The following IL1RAPL2 variants were observed in gnomAD, a reference collection of about 807,000 sequenced individuals.
IL1RAPL2 encodes X-linked interleukin-1 receptor accessory protein-like 2.
In IL1RAPL2, 3 loss-of-function variants were observed where a neutral mutation model predicts 44.1. The observed-to-expected ratio is 0.07, with a 90% CI of 0.03 to 0.18. The LOEUF is 0.18. Ranked by LOEUF, IL1RAPL2 falls within the 10% of genes least tolerant of loss-of-function variation. The pLI is 1.00. For missense variants in IL1RAPL2, 391 were observed against 496.4 expected (o/e 0.79, Z 2.02); for synonymous variants, 181 against 178.8 (o/e 1.01, Z -0.10).
chrX:105,316,924 G>GT (rs1197045959), intron 5 of IL1RAPL2, among the ~76,000 whole-genome samples: 1 of 110,056 alleles, frequency 9.1e-6, no homozygotes, highest in African/African-American at 3.3e-5. Context: ...TTTTTTTGAG[G>GT]TAAAAAGCCC....
At chrX:104,699,543 C>T (rs1203478276) in intron 2 of IL1RAPL2, among the ~76,000 whole-genome samples, 1 of 111,721 alleles carries the variant, frequency 9.0e-6, no homozygotes. Flanking sequence ...AAGCTTCGCT[C>T]GCTTGCCCGC....
chrX:105,706,271 A>G (rs2038164767), intron 6 of IL1RAPL2, among the ~76,000 whole-genome samples: 1 of 112,043 alleles, frequency 8.9e-6, no homozygotes, highest in African/African-American at 3.2e-5. Flanking sequence ...ATTGCTTAAC[A>G]ATTTTCCCAC....
intron 6 of IL1RAPL2, among the ~76,000 whole-genome samples, chrX:105,573,163 A>G (rs1412949047): frequency 7.2e-5 from 8 of 111,134 alleles, no homozygotes; most frequent in Admixed American, 2.9e-4. Context: ...GGCTCAAGCA[A>G]TCCTCCCACC....
At chrX:104,880,156 A>G (rs186621672) in intron 2 of IL1RAPL2, among the ~76,000 whole-genome samples, 1 of 111,433 alleles carries the variant, frequency 9.0e-6, no homozygotes, top group East Asian at 2.8e-4. Context: ...TCCTCTGACA[A>G]TTATCAAGTT....
At chrX:105,468,374 G>C (rs1200909293) in intron 5 of IL1RAPL2, among the ~76,000 whole-genome samples, 1 of 111,567 alleles carries the variant, frequency 9.0e-6, no homozygotes, top group Non-Finnish European at 1.9e-5. Flanking sequence ...ATAGGTATGT[G>C]CTCAGAAAGA....
rs140704692 is a variant in IL1RAPL2 at position 105,566,456 on chromosome X, T to C, written c.772+82069T>C. ...GAAATGTATACACCCTCCCAAGCCA[T>C]CTGCTCTATTTCTTCACCTTCTTTT... is the stretch of plus-strand genomic sequence containing the variant. On this transcript the variant is annotated intron_variant, in intron 6 of 10. Transcript: ENST00000372582. 5.0e-3 allele frequency among the ~76,000 whole-genome samples: 554 copies of C among 111,659 alleles called. 6 individuals carry two copies. Among genetic ancestry groups the C allele is most frequent in the African/African-American group, 0.017 (521 of 30,728 alleles).
rs760432627 is a variant in IL1RAPL2 at position 105,041,979 on chromosome X, G to T, written c.83-153496G>T. On this transcript the variant is annotated intron_variant, in intron 2 of 10. Coordinates refer to ENST00000372582, the MANE Select transcript of IL1RAPL2 (RefSeq NM_017416.2). ...CTGAGAGAAGCAAGAAATGGGGAAA[G>T]GATTCCCTATTTAATAAATGGTGCT... Among the ~76,000 whole-genome samples, 15 of 110,395 alleles carry T rather than the reference G, an allele frequency of 1.4e-4. No homozygotes were observed. In the South Asian group the frequency reaches 4.6e-3, roughly 34 times the overall value.
At chrX:104,587,528 A>G (rs1928583560) in intron 1 of IL1RAPL2, among the ~76,000 whole-genome samples, 1 of 112,048 alleles carries the variant, frequency 8.9e-6, no homozygotes, top group Non-Finnish European at 1.9e-5. Flanking sequence ...CCTTTGGGAA[A>G]CACTGCTATA....
chrX:104,767,617 T>C (rs1422711684), intron 2 of IL1RAPL2, among the ~76,000 whole-genome samples: 2 of 111,961 alleles, frequency 1.8e-5, no homozygotes, highest in Non-Finnish European at 3.8e-5. Flanking sequence ...AAACTTCAGA[T>C]AACACCGGCA....
chrX:105,625,843 A>G (rs1473767573), intron 6 of IL1RAPL2, among the ~76,000 whole-genome samples: 1 of 111,791 alleles, frequency 8.9e-6, no homozygotes, highest in Non-Finnish European at 1.9e-5. Context: ...AGATTCAAAC[A>G]GCAGTTCAGG....
chrX:105,491,892 C>T (rs963954009), intron 6 of IL1RAPL2, among the ~76,000 whole-genome samples: 10 of 111,731 alleles, frequency 9.0e-5, no homozygotes, highest in Admixed American at 7.6e-4. Flanking sequence ...AAAAAGTTAA[C>T]AGTTTACTAA....
chrX:105,530,734 C>G (rs983432434), intron 6 of IL1RAPL2, among the ~76,000 whole-genome samples: 5 of 100,509 alleles, frequency 5.0e-5, no homozygotes, highest in Middle Eastern at 5.2e-3. Context: ...GCCCCCACCC[C>G]ACTACCCTTC....
intron 2 of IL1RAPL2, among the ~76,000 whole-genome samples, chrX:104,670,054 A>G (rs1002062132): frequency 2.7e-5 from 3 of 111,707 alleles, no homozygotes; most frequent in Non-Finnish European, 3.8e-5. Context: ...GGATAGATGT[A>G]TATATGAAAG....
At chrX:104,876,842 T>C (rs1191963055) in intron 2 of IL1RAPL2, among the ~76,000 whole-genome samples, 4 of 109,014 alleles carry the variant, frequency 3.7e-5, no homozygotes, top group African/African-American at 1.3e-4. Flanking sequence ...ACTCGTCATC[T>C]AGCATTAGGT....
At chrX:104,677,942 A>G (rs982516681) in intron 2 of IL1RAPL2, among the ~76,000 whole-genome samples, 5 of 111,320 alleles carry the variant, frequency 4.5e-5, no homozygotes, top group Admixed American at 9.4e-5. Flanking sequence ...GCAATGCCTC[A>G]CCCTGCTTCG....
intron 2 of IL1RAPL2, among the ~76,000 whole-genome samples, chrX:104,789,226 A>G (rs897537633): frequency 1.8e-5 from 2 of 111,842 alleles, no homozygotes; most frequent in African/African-American, 6.5e-5. Context: ...TTGGAATACA[A>G]ATGATCCCAT....
At chrX:104,782,705 C>T (rs1932780929) in intron 2 of IL1RAPL2, among the ~76,000 whole-genome samples, 1 of 111,239 alleles carries the variant, frequency 9.0e-6, no homozygotes, top group Admixed American at 9.6e-5. Context: ...GAATGTTGCC[C>T]CCTGGAAATA....
chrX:105,693,230 A>G (rs752948633), intron 6 of IL1RAPL2, among the ~76,000 whole-genome samples: 1 of 112,086 alleles, frequency 8.9e-6, no homozygotes, highest in African/African-American at 3.2e-5. Context: ...TAAGATAAGG[A>G]TCTTGATATG....
intron 2 of IL1RAPL2, among the ~76,000 whole-genome samples, chrX:105,118,892 T>C (rs1426385556): frequency 8.9e-6 from 1 of 111,870 alleles, no homozygotes; most frequent in Non-Finnish European, 1.9e-5. Flanking sequence ...GTGCTTCTGG[T>C]TTTTGTTTGT....
Sources: allele counts gnomAD v4.1 joint callset (sites outside exome capture counted in the v4.1 genomes callset), GRCh38; gene constraint gnomAD v4.1.1; transcripts MANE v1.5; gene names NCBI Gene and HGNC (gene_info 2026-07-23, HGNC 2026-07-21).